The following SPEN variants were observed in gnomAD, a reference collection of about 807,000 sequenced individuals.
SPEN encodes spen family transcriptional repressor.
A neutral mutation model predicts 269.9 loss-of-function variants in SPEN; 18 were observed. The observed-to-expected ratio is 0.07, with a 90% CI of 0.05 to 0.10. SPEN has a LOEUF of 0.10. SPEN is among the 10% of genes least tolerant of loss of function. The pLI is 1.00. For missense variants in SPEN, 3,822 were observed against 4,631.2 expected (o/e 0.83, Z 5.07); for synonymous variants, 1,726 against 1,765.7 (o/e 0.98, Z 0.56).
intron 1 of SPEN, among the ~76,000 whole-genome samples, chr1:15,857,679 T>A (rs1471877203): frequency 4.3e-5 from 3 of 70,410 alleles, no homozygotes; most frequent in Non-Finnish European, 9.7e-5. Flanking sequence ...TTTATTTTCA[T>A]AAAAAAATTG....
intron 6 of SPEN, among the ~76,000 whole-genome samples, chr1:15,918,482 G>A (rs184812835): frequency 1.9e-3 from 293 of 152,356 alleles, no homozygotes; most frequent in Non-Finnish European, 3.3e-3. Flanking sequence ...ACCTCCCAAA[G>A]TGCTAGGATT....
At chr1:15,922,443 C>A in intron 10 of SPEN, 94 bp downstream of exon 10, 1 of 769,784 alleles carries the variant, frequency 1.3e-6, no homozygotes, top group Non-Finnish European at 2.1e-6. Flanking sequence ...CACTCTTTAC[C>A]CCTACTTTCA....
intron 3 of SPEN, among the ~76,000 whole-genome samples, chr1:15,879,412 T>G (rs2070665365): frequency 6.6e-6 from 1 of 152,086 alleles, no homozygotes; most frequent in Admixed American, 6.6e-5. Flanking sequence ...ATGAATTTGA[T>G]GGAGCTTAGT....
At chr1:15,876,804 A>G (rs2070635606) in intron 3 of SPEN, 126 bp downstream of exon 3, 4 of 781,932 alleles carry the variant, frequency 5.1e-6, no homozygotes, top group Non-Finnish European at 8.4e-6. Flanking sequence ...GTATGTAATC[A>G]GTAAAGAAAC....
At chr1:15,861,156 G>A (rs902145527) in intron 1 of SPEN, among the ~76,000 whole-genome samples, 11 of 146,908 alleles carry the variant, frequency 7.5e-5, no homozygotes, top group Non-Finnish European at 1.2e-4. Flanking sequence ...TTTTTGAGAC[G>A]GAATCTCACT....
At position 15,934,137 on chromosome 1, in the gene SPEN, A is replaced by T. The variant is rs775275109; in HGVS notation, c.7897A>T (p.Asn2633Tyr). 1 of 1,614,150 alleles carries T rather than the reference A, an allele frequency of 6.2e-7. No individual in the cohort carries two copies. The highest frequency in any genetic ancestry group is 1.7e-5 in the Admixed American group (1 of 60,020). ...SRMPVSIDLE[N>Y]SQKITLAKPA... is the part of the protein sequence containing the mutation. ...GATGCCTGTCAGCATTGACCTGGAA[A>T]ATTCACAGAAGATAACCTTGGCAAA... Residue 2633 changes from asparagine (N) to tyrosine (Y), a missense_variant, in exon 11 of 15, where the codon AAT (asparagine) becomes TAT (tyrosine). This residue lies in a region of SPEN where 329 missense variants were observed against 431.2 expected (regional missense o/e 0.76). Coordinates refer to ENST00000375759, the MANE Select transcript of SPEN (RefSeq NM_015001.3). This position sits in a 1 kb window ranked among gnomAD's most constrained non-coding sequence, Gnocchi z 9.2.
Position 15,936,212 on chromosome 1 carries a change from G to A in SPEN, c.9972G>A (p.Gln3324=). ...YHPPAQLTHT[Q]FPAASSVGLP... is the part of the protein sequence containing the mutation. ...CCCCGGCCCAGCTCACACACACTCAGTTTCCCGCCGCTTCCTCTGTTGGCC... is the reference window on the plus strand; with the variant it reads ...CCCCGGCCCAGCTCACACACACTCAATTTCCCGCCGCTTCCTCTGTTGGCC... The change falls in exon 11 of 15, where the codon CAG becomes CAA. Residue 3324 remains glutamine, a synonymous_variant. Coordinates refer to ENST00000375759, the MANE Select transcript of SPEN (RefSeq NM_015001.3). 2 of 1,565,126 alleles carry A rather than the reference G, an allele frequency of 1.3e-6. No homozygotes were observed. Among genetic ancestry groups the A allele is most frequent in the Non-Finnish European group, 8.7e-7 (1 of 1,148,948 alleles).
chr1:15,928,756 A>G lies in SPEN; in HGVS notation c.2516A>G (p.Asp839Gly). The change falls in exon 11 of 15, where the codon GAC becomes GGC. Residue 839 changes from aspartate to glycine, a missense_variant. Transcript: ENST00000375759. This position sits in a 1 kb window ranked among gnomAD's most constrained non-coding sequence, Gnocchi z 5.7. ...CCTAGTTCTCAGTCTTCAGAAACGG[A>G]CCAAGAAAATGAGCGAGAGCAAAGC... Reference protein sequence around the residue: ...HSPSSQSSETDQENEREQSPE... With the variant: ...HSPSSQSSETGQENEREQSPE... The G allele has an allele frequency of 6.2e-7, 1 of 1,614,106 alleles. No individual in the cohort carries two copies. The highest frequency in any genetic ancestry group is 8.5e-7 in the Non-Finnish European group (1 of 1,180,028).
At chr1:15,867,082 C>G (rs2070522437) in intron 1 of SPEN, among the ~76,000 whole-genome samples, 1 of 152,162 alleles carries the variant, frequency 6.6e-6, no homozygotes, top group Non-Finnish European at 1.5e-5. Flanking sequence ...TTATCACTAT[C>G]TAATTGTAGA....
At chr1:15,914,692 C>T (rs570215538) in intron 5 of SPEN, among the ~76,000 whole-genome samples, 5 of 152,156 alleles carry the variant, frequency 3.3e-5, no homozygotes, top group Non-Finnish European at 5.9e-5. Flanking sequence ...GGCATGATGG[C>T]GGGCACCTGT....
intron 1 of SPEN, among the ~76,000 whole-genome samples, chr1:15,860,415 G>GTGTGTA (rs1553174228): frequency 8.5e-5 from 12 of 141,296 alleles, no homozygotes; most frequent in Non-Finnish European, 1.5e-4. Flanking sequence ...GTGTGTGTGT[G>GTGTGTA]TGTATGTGTA....
chr1:15,894,628 C>T (rs1016593450), intron 3 of SPEN, among the ~76,000 whole-genome samples: 1 of 150,184 alleles, frequency 6.7e-6, no homozygotes, highest in African/African-American at 2.5e-5. Context: ...GCAACCTCCG[C>T]CTCCTGGGTT....
At chr1:15,857,067 T>C (rs1423361300) in intron 1 of SPEN, among the ~76,000 whole-genome samples, 2 of 146,968 alleles carry the variant, frequency 1.4e-5, no homozygotes, top group Non-Finnish European at 3.0e-5. Context: ...CCTTCCTGTA[T>C]TTTTTTTTTT....
intron 5 of SPEN, among the ~76,000 whole-genome samples, chr1:15,914,272 G>A (rs1001914719): frequency 2.0e-5 from 3 of 152,146 alleles, no homozygotes; most frequent in Non-Finnish European, 2.9e-5. Context: ...CCCTGAAATT[G>A]AGTTTTTAAA....
At chr1:15,904,646 T>TC (rs1378486271) in intron 3 of SPEN, among the ~76,000 whole-genome samples, 4 of 141,832 alleles carry the variant, frequency 2.8e-5, no homozygotes, top group Non-Finnish European at 6.1e-5. Context: ...AAGAGTGTGA[T>TC]AATTTTTTTT....
Position 15,935,817 on chromosome 1 carries a change from C to G in SPEN, c.9577C>G (p.Arg3193Gly). The G allele has an allele frequency of 1.9e-6, 3 of 1,613,870 alleles. No homozygotes were observed. Among genetic ancestry groups the G allele is most frequent in the Non-Finnish European group, 2.5e-6 (3 of 1,180,004 alleles). Residue 3193 changes from arginine (R) to glycine (G), a missense_variant, in exon 11 of 15, where the codon CGG becomes GGG. By Grantham distance (125) the Arg-to-Gly change is moderately radical (BLOSUM62 -2). This residue lies in a region of SPEN where 153 missense variants were observed against 228.5 expected (regional missense o/e 0.67). Coordinates refer to ENST00000375759, the MANE Select transcript of SPEN (RefSeq NM_015001.3). The surrounding 1 kb of genome is among the most constrained non-coding windows in gnomAD (Gnocchi z 7.7). ...EYRLHPYTVP[R>G]DVRIMVHPHV... is the part of the protein sequence containing the mutation. Reference sequence around the variant, plus strand: ...CCGACTGCACCCCTATACTGTGCCACGGGATGTGAGGATCATGGTGCATCC... The same window carrying G: ...CCGACTGCACCCCTATACTGTGCCAGGGGATGTGAGGATCATGGTGCATCC...
chr1:15,921,172 A>T (rs2071114567), intron 9 of SPEN, among the ~76,000 whole-genome samples, 189 bp downstream of exon 9: 1 of 152,156 alleles, frequency 6.6e-6, no homozygotes, highest in South Asian at 2.1e-4. Flanking sequence ...CTAAAAATAC[A>T]AGAAAAATTA....
intron 10 of SPEN, among the ~76,000 whole-genome samples, chr1:15,926,372 C>T (rs548800743): frequency 6.8e-6 from 1 of 147,662 alleles, no homozygotes; most frequent in East Asian, 1.9e-4. Flanking sequence ...CACTCCAGCT[C>T]AGATATATAC....
chr1:15,864,128 T>C (rs1190246671), intron 1 of SPEN, among the ~76,000 whole-genome samples: 1 of 151,188 alleles, frequency 6.6e-6, no homozygotes, highest in Non-Finnish European at 1.5e-5. Flanking sequence ...CTAGCTACGG[T>C]AGTCAACTCC....
Sources: gnomAD v4.1 joint callset for allele counts (sites outside exome capture counted in the v4.1 genomes callset) on GRCh38, gnomAD v4.1.1 for gene constraint, gnomAD v4.1.1 regional missense constraint, Gnocchi (gnomAD v3.1) non-coding constraint, MANE v1.5 for transcripts, NCBI Gene and HGNC (gene_info 2026-07-23, HGNC 2026-07-21) for gene names.